Variants in TCFL5 observed in about 807,000 individuals in gnomAD.
The protein encoded by TCFL5 is transcription factor-like 5 protein.
A neutral mutation model predicts 44.3 loss-of-function variants in TCFL5; 9 were observed. The observed-to-expected ratio is 0.20, with a 90% CI of 0.12 to 0.35. TCFL5 has a LOEUF of 0.35. Among genes scored for constraint, TCFL5 ranks in the 10% least tolerant of loss-of-function variants. The probability of loss-of-function intolerance (pLI) is 1.00; values close to 1 mark genes in which losing one functional copy is unlikely to be tolerated. For missense variants in TCFL5, 603 were observed against 613.4 expected (o/e 0.98, Z 0.18); for synonymous variants, 319 against 271.6 (o/e 1.17, Z -1.72).
intron 5 of TCFL5, among the ~76,000 whole-genome samples, chr20:62,850,063 T>C (rs1600837756): frequency 1.3e-5 from 2 of 152,152 alleles, no homozygotes; most frequent in African/African-American, 4.8e-5. Flanking sequence ...TTAGAGGATA[T>C]GAAAAAGACT....
chr20:62,860,016 T>A (rs2063966769), intron 2 of TCFL5, 109 bp downstream of exon 2: 2 of 1,128,426 alleles, frequency 1.8e-6, no homozygotes, highest in South Asian at 1.5e-5. Context: ...GCTTAAAAGG[T>A]TATTAAGCTC....
chr20:62,857,210 T>C (rs905678981), intron 4 of TCFL5, among the ~76,000 whole-genome samples, 185 bp downstream of exon 4: 4 of 152,178 alleles, frequency 2.6e-5, no homozygotes, highest in Non-Finnish European at 4.4e-5. Context: ...GGAGTCCTCC[T>C]AGTGAGCCAG....
At chr20:62,850,380 G>A (rs991892852) in intron 5 of TCFL5, among the ~76,000 whole-genome samples, 4 of 151,384 alleles carry the variant, frequency 2.6e-5, no homozygotes, top group Non-Finnish European at 5.9e-5. Context: ...GACGCCCCCA[G>A]AATGCCGAGA....
chr20:62,845,675 T>C, intron 5 of TCFL5: 1 of 1,606,622 alleles, frequency 6.2e-7, no homozygotes, highest in Non-Finnish European at 8.5e-7. Flanking sequence ...TGGCAGTATT[T>C]CATGACGAGG....
Position 62,841,867 on chromosome 20 carries a change from C to A in TCFL5, c.*108G>T. ...ACTGGAGTCCCGTCAGCTTGAGTCA[C>A]GCCCTTTTCGAGTCAGACTAGCCGA... On this transcript the variant is annotated 3_prime_UTR_variant, in exon 6 of 6. Transcript: ENST00000335351. 1.4e-6 allele frequency: 2 copies of A among 1,476,772 alleles called. No individual in the cohort carries two copies. The highest frequency in any genetic ancestry group is 1.8e-6 in the Non-Finnish European group (2 of 1,096,940). 91.5% of individuals were successfully genotyped at this position (1,476,772 alleles called of 1,614,324 possible). A position where few individuals can be genotyped will look rare whatever the true frequency, so the allele number is the denominator to read the frequency against.
At position 62,842,488 on chromosome 20, in the gene TCFL5, G is replaced by A. The variant is rs577916915; in HGVS notation, c.1381-391C>T. Among the ~76,000 whole-genome samples the A allele has an allele frequency of 4.0e-4, 61 of 152,354 alleles. No individual in the cohort carries two copies. The highest frequency in any genetic ancestry group is 1.4e-3 in the African/African-American group (58 of 41,592). The stretch of plus-strand genomic sequence containing the variant: ...TATATTAAAACGTTTCAGGCCGGGC[G>A]TGGCGGCTCACGCCTATAATCCCAG... On this transcript the variant is annotated intron_variant, in intron 5 of 5. Coordinates refer to ENST00000335351, the MANE Select transcript of TCFL5 (RefSeq NM_006602.4). The surrounding 1 kb of genome is among the most constrained non-coding windows in gnomAD (Gnocchi z 4.3).
chr20:62,843,640 G>T (rs1280433946), intron 5 of TCFL5, among the ~76,000 whole-genome samples: 5 of 152,198 alleles, frequency 3.3e-5, no homozygotes, highest in Admixed American at 2.0e-4. Flanking sequence ...TTAAGCATGT[G>T]TAAGTGTACA....
intron 4 of TCFL5, among the ~76,000 whole-genome samples, chr20:62,856,837 T>C (rs970334437): frequency 2.0e-5 from 3 of 151,378 alleles, no homozygotes; most frequent in African/African-American, 7.3e-5. Context: ...CTTAGTGGAG[T>C]CTGCAAACCT....
intron 5 of TCFL5, among the ~76,000 whole-genome samples, chr20:62,850,538 C>T (rs1049451847): frequency 1.3e-5 from 2 of 152,180 alleles, no homozygotes; most frequent in South Asian, 2.1e-4. Context: ...TCCCCAGCGC[C>T]GCCCCCTGGC....
intron 5 of TCFL5, chr20:62,851,475 C>A (rs1213873016): frequency 1.0e-6 from 1 of 966,676 alleles, no homozygotes. Context: ...TACACAAAGC[C>A]AAAACATTAA....
At chr20:62,852,058 G>C (rs757279095) in intron 5 of TCFL5, 6 of 983,636 alleles carry the variant, frequency 6.1e-6, no homozygotes, top group Non-Finnish European at 7.2e-6. Flanking sequence ...CACCCGCCTC[G>C]GCCTCCCAAG....
chr20:62,857,729 T>G (rs1296931513), intron 3 of TCFL5, 91 bp from the exon 4 acceptor site: 1 of 1,451,276 alleles, frequency 6.9e-7, no homozygotes, highest in Non-Finnish European at 9.3e-7. Flanking sequence ...ATCCAAGATA[T>G]AAACATTATT....
rs2063993578 is a variant in TCFL5, at chr20:62,861,044, CTCGGGGGGCTCGGG to C, written c.613_626del (p.Pro205AlafsTer17). 1.0e-6 allele frequency: 1 copy of C among 994,532 alleles called. No individual in the cohort carries two copies. Among genetic ancestry groups the C allele is most frequent in the African/African-American group, 1.8e-5 (1 of 56,918 alleles). The allele number at this position is 994,532 out of a possible 1,614,324, so 61.6% of individuals were successfully genotyped here. The stretch of plus-strand genomic sequence containing the variant: ...CGCACTTGTTGAGCGCCCCGCCCGG[CTCGGGGGGCTCGGG>C]GCCGCGCGGCGCGGGCGGCGGCTCG... On this transcript the variant is annotated frameshift_variant, in exon 1 of 6. Coordinates refer to ENST00000335351, the MANE Select transcript of TCFL5 (RefSeq NM_006602.4). LOFTEE classifies it high-confidence loss of function. The surrounding 1 kb of genome is among the most constrained non-coding windows in gnomAD (Gnocchi z 4.0).
chr20:62,845,858 G>T (rs748564747), intron 5 of TCFL5: 1 of 1,582,388 alleles, frequency 6.3e-7, no homozygotes, highest in Non-Finnish European at 8.6e-7. Flanking sequence ...ATCAGTTTGC[G>T]TGTGGAGAAA....
intron 4 of TCFL5, among the ~76,000 whole-genome samples, chr20:62,856,294 A>T (rs1469390952): frequency 1.3e-5 from 2 of 150,398 alleles, no homozygotes; most frequent in African/African-American, 4.9e-5. Flanking sequence ...AAACCCAATT[A>T]TAATAGAAAA....
intron 4 of TCFL5, among the ~76,000 whole-genome samples, chr20:62,855,095 G>C (rs953045609): frequency 3.9e-5 from 6 of 152,204 alleles, no homozygotes; most frequent in African/African-American, 1.4e-4. Context: ...ATTCACAGTA[G>C]GGTGAGGAAG....
chr20:62,858,742 AG>A (rs2063935999), intron 3 of TCFL5, among the ~76,000 whole-genome samples: 1 of 62,804 alleles, frequency 1.6e-5, no homozygotes, highest in African/African-American at 9.3e-5. Context: ...TTTCCCAGGG[AG>A]GAAGGGGCTA....
intron 5 of TCFL5, among the ~76,000 whole-genome samples, chr20:62,847,385 T>G (rs2063757261): frequency 6.6e-6 from 1 of 150,924 alleles, no homozygotes; most frequent in Non-Finnish European, 1.5e-5. Context: ...AGAAATAAGG[T>G]TTTGGGATAA....
In TCFL5 at chr20:62,854,003, G is replaced by A. The variant is rs777696106; in HGVS notation, c.1380+13C>T. Reference sequence around the variant, plus strand: ...TTGTAAAATTCTGAAAATCTACCTGGCCTACCACTAACCTTTTTAAGAGAA... The same window carrying A: ...TTGTAAAATTCTGAAAATCTACCTGACCTACCACTAACCTTTTTAAGAGAA... On this transcript the variant is annotated intron_variant, in intron 5 of 5. Coordinates refer to ENST00000335351, the MANE Select transcript of TCFL5 (RefSeq NM_006602.4). The A allele has an allele frequency of 1.2e-6, 2 of 1,612,292 alleles. No homozygotes were observed. Among genetic ancestry groups the A allele is most frequent in the African/African-American group, 2.7e-5 (2 of 74,854 alleles).
Sources: allele counts gnomAD v4.1 joint callset (sites outside exome capture counted in the v4.1 genomes callset), GRCh38; gene constraint gnomAD v4.1.1; non-coding constraint Gnocchi (gnomAD v3.1); transcripts MANE v1.5; gene names NCBI Gene and HGNC (gene_info 2026-07-23, HGNC 2026-07-21).